PLEKHM2: variants seen among roughly 807,000 people sequenced by gnomAD.
The protein encoded by PLEKHM2 is pleckstrin homology domain-containing family M member 2.
Under a neutral mutation model 116.3 loss-of-function variants are expected in PLEKHM2, and 77 were observed. The observed-to-expected ratio is 0.66, with a 90% CI of 0.55 to 0.80. The LOEUF (loss-of-function observed/expected upper bound fraction) is 0.80, where lower values mean the gene tolerates loss of function less well. Among genes scored for constraint, PLEKHM2 ranks in the 30% least tolerant of loss-of-function variants. The pLI is 0.00. For missense variants in PLEKHM2, 1,183 were observed against 1,354.9 expected, an observed-to-expected ratio of 0.87 and a Z score of 1.99; for synonymous variants, 562 against 571.0, an observed-to-expected ratio of 0.98 and a Z score of 0.22.
chr1:15,716,393 A>G (rs1187849009), intron 2 of PLEKHM2, 50 bp downstream of exon 2: 7 of 1,136,816 alleles, frequency 6.2e-6, no homozygotes, highest in Admixed American at 2.1e-5. Flanking sequence ...CCAGGCCATG[A>G]GTAGCCTCCA....
chr1:15,714,986 C>A (rs1641415312), intron 1 of PLEKHM2, among the ~76,000 whole-genome samples: 1 of 152,344 alleles, frequency 6.6e-6, no homozygotes, highest in East Asian at 1.9e-4. Context: ...CTTGCCCTCA[C>A]CAGCCTGGTG....
In PLEKHM2 at chr1:15,684,625, G is replaced by A; in HGVS notation, c.60+7G>A. The A allele has an allele frequency of 1.6e-6, 2 of 1,284,382 alleles. No homozygotes were observed. The highest frequency in any genetic ancestry group is 1.0e-6 in the Non-Finnish European group (1 of 1,003,872). The allele number at this position is 1,284,382 out of a possible 1,614,324, so 79.6% of individuals were successfully genotyped here. A position where few individuals can be genotyped will look rare whatever the true frequency, so the allele number is the denominator to read the frequency against. On this transcript the variant is annotated splice_region_variant and intron_variant, in intron 1 of 19. Transcript: ENST00000375799. ...CTCGCTGTCGGTGAAGAAGGTGAGC[G>A]CGGCCTCCCTCCCGGCCGGGGCCCC... is the stretch of plus-strand genomic sequence containing the variant.
intron 1 of PLEKHM2, among the ~76,000 whole-genome samples, chr1:15,686,221 T>C (rs948343191): frequency 3.3e-5 from 5 of 152,146 alleles, no homozygotes; most frequent in Non-Finnish European, 7.4e-5. Flanking sequence ...AGGACACTTA[T>C]TGAGCTGGAA....
At position 15,728,666 on chromosome 1, in the gene PLEKHM2, C is replaced by T. The variant is rs1329030614; in HGVS notation, c.1922-3C>T. 1.2e-6 allele frequency: 2 copies of T among 1,608,238 alleles called. No homozygotes were observed. The highest frequency in any genetic ancestry group is 1.7e-6 in the Non-Finnish European group (2 of 1,177,448). ...TAATAGGCCTTGGGGTTTCCTCTCTCAGGGGCCACAGAGAAGCCATACCTG... is the reference window on the plus strand; with the variant it reads ...TAATAGGCCTTGGGGTTTCCTCTCTTAGGGGCCACAGAGAAGCCATACCTG... On this transcript the variant is annotated splice_polypyrimidine_tract_variant and splice_region_variant and intron_variant, in intron 11 of 19. Transcript: ENST00000375799. The surrounding 1 kb of genome is among the most constrained non-coding windows in gnomAD (Gnocchi z 5.9).
In PLEKHM2 at chr1:15,734,203, G is replaced by A. The variant is rs181429747; in HGVS notation, c.*269G>A. The A allele has an allele frequency of 1.1e-5, 5 of 456,180 alleles. No individual in the cohort carries two copies. Among genetic ancestry groups the A allele is most frequent in the Middle Eastern group, 5.5e-4 (1 of 1,818 alleles). 28.3% of individuals were successfully genotyped at this position (456,180 alleles called of 1,614,324 possible). On this transcript the variant is annotated 3_prime_UTR_variant, in exon 20 of 20. Transcript: ENST00000375799. ...AGCCCTGTGGGCTCTGCGGATGCAC[G>A]CCCTCCTCCCGGGCCTCCGCCTCAG...
intron 7 of PLEKHM2, among the ~76,000 whole-genome samples, chr1:15,724,701 T>C (rs147156069): frequency 5.8e-4 from 89 of 152,252 alleles, no homozygotes; most frequent in Non-Finnish European, 1.2e-3. Context: ...CTCTGCCCCA[T>C]GGTTCCCACC....
At chr1:15,711,041 C>T (rs1641321156) in intron 1 of PLEKHM2, among the ~76,000 whole-genome samples, 1 of 151,618 alleles carries the variant, frequency 6.6e-6, no homozygotes, top group South Asian at 2.1e-4. Context: ...TGGATCCTTA[C>T]CTCATGACAT....
At position 15,691,290 on chromosome 1, in the gene PLEKHM2, T is replaced by A. The variant is rs576841634; in HGVS notation, c.60+6672T>A. ...TCTCACTATGTTGCCCAGGTTGGTC[T>A]CGAACTCCTGAGCTCAGGTGATCCT... On this transcript the variant is annotated intron_variant, in intron 1 of 19. Transcript: ENST00000375799. Among the ~76,000 whole-genome samples, 2 of 152,304 alleles carry A rather than the reference T, an allele frequency of 1.3e-5. 1 individual carries two copies. The highest frequency in any genetic ancestry group is 4.1e-4 in the South Asian group (2 of 4,820).
At chr1:15,718,461 A>T in intron 4 of PLEKHM2, 77 bp from the exon 5 acceptor site, 1 of 848,024 alleles carries the variant, frequency 1.2e-6, no homozygotes. Flanking sequence ...ATTTCAACAC[A>T]GCTGGTATGT....
chr1:15,733,892 C>G lies in PLEKHM2; in HGVS notation c.3018C>G (p.Asp1006Glu), dbSNP rs1295427920. ...TCCACAGCGCCTGGCAGCGGAGCGA[C>G]AGTCTCTGCCGCGGCCGAGCCTCCC... Reference protein sequence around the residue: ...SLIHSAWQRSDSLCRGRASRD... With the variant: ...SLIHSAWQRSESLCRGRASRD... The change falls in exon 20 of 20, where the codon GAC (aspartate) becomes GAG (glutamate). Residue 1006 changes from aspartate (D) to glutamate (E), a missense_variant. By Grantham distance (45) the Asp-to-Glu change is conservative (BLOSUM62 2). Coordinates refer to ENST00000375799, the MANE Select transcript of PLEKHM2 (RefSeq NM_015164.4). 2.5e-6 allele frequency: 4 copies of G among 1,612,906 alleles called. No individual in the cohort carries two copies. Among genetic ancestry groups the G allele is most frequent in the African/African-American group, 2.7e-5 (2 of 75,070 alleles).
At chr1:15,696,063 C>T (rs567759088) in intron 1 of PLEKHM2, among the ~76,000 whole-genome samples, 2 of 151,640 alleles carry the variant, frequency 1.3e-5, no homozygotes, top group South Asian at 4.2e-4. Context: ...CATTCTCCAC[C>T]TTGGCTTCCC....
In PLEKHM2 at chr1:15,727,975, T is replaced by G; in HGVS notation, c.1761-104T>G. ...GTGAGCCTCCCTCCCTAACTTTGGC[T>G]CCTAGTGGGAGGCGGAGGCACTACC... On this transcript the variant is annotated intron_variant, in intron 9 of 19. Transcript: ENST00000375799. This position sits in a 1 kb window ranked among gnomAD's most constrained non-coding sequence, Gnocchi z 7.5. 1 of 1,225,284 alleles carries G rather than the reference T, an allele frequency of 8.2e-7. No homozygotes were observed. The highest frequency in any genetic ancestry group is 1.2e-6 in the Non-Finnish European group (1 of 850,838). The allele number at this position is 1,225,284 out of a possible 1,614,324, so 75.9% of individuals were successfully genotyped here.
intron 16 of PLEKHM2, among the ~76,000 whole-genome samples, 195 bp from the exon 17 acceptor site, chr1:15,731,694 G>A (rs1424829205): frequency 3.3e-5 from 5 of 152,148 alleles, no homozygotes; most frequent in African/African-American, 9.7e-5. Context: ...GAAAGGCATC[G>A]CACAGCAAGG....
intron 1 of PLEKHM2, among the ~76,000 whole-genome samples, chr1:15,707,407 A>C (rs973295134): frequency 6.6e-6 from 1 of 152,180 alleles, no homozygotes; most frequent in East Asian, 1.9e-4. Flanking sequence ...CTGGGCAACA[A>C]AGTGAGACCT....
At chr1:15,712,975 A>G (rs1641366337) in intron 1 of PLEKHM2, among the ~76,000 whole-genome samples, 1 of 152,012 alleles carries the variant, frequency 6.6e-6, no homozygotes, top group South Asian at 2.1e-4. Context: ...TAATTTTTGT[A>G]TTTTTAGTAG....
chr1:15,734,038 C>T lies in PLEKHM2; in HGVS notation c.*104C>T. The T allele has an allele frequency of 7.6e-7, 1 of 1,315,888 alleles. No homozygotes were observed. The highest frequency in any genetic ancestry group is 2.5e-4 in the Middle Eastern group (1 of 3,974). 81.5% of individuals were successfully genotyped at this position (1,315,888 alleles called of 1,614,324 possible). A position where few individuals can be genotyped will look rare whatever the true frequency, so the allele number is the denominator to read the frequency against. On this transcript the variant is annotated 3_prime_UTR_variant, in exon 20 of 20. Coordinates refer to ENST00000375799, the MANE Select transcript of PLEKHM2 (RefSeq NM_015164.4). ...ATGCTGTCGGGAGCCTACAGTCCACCCCTGCCCTGGGCGGCAGAACCACCG... is the reference window on the plus strand; with the variant it reads ...ATGCTGTCGGGAGCCTACAGTCCACTCCTGCCCTGGGCGGCAGAACCACCG...
Position 15,695,593 on chromosome 1 carries a change from C to G in PLEKHM2, c.60+10975C>G, listed in dbSNP as rs1015126532. Among the ~76,000 whole-genome samples, 3 of 152,116 alleles carry G rather than the reference C, an allele frequency of 2.0e-5. No homozygotes were observed. The South Asian group carries it at 6.2e-4, about 32-fold the overall frequency. ...GTGGCGCCATCTTAGCTCAGTGCAA[C>G]CTCTGCCTCCCAGGTTCAAATGATT... On this transcript the variant is annotated intron_variant, in intron 1 of 19. Coordinates refer to ENST00000375799, the MANE Select transcript of PLEKHM2 (RefSeq NM_015164.4).
intron 7 of PLEKHM2, among the ~76,000 whole-genome samples, chr1:15,724,765 T>C (rs10803397): frequency 0.35 from 52,988 of 152,086 alleles, 10,780 homozygotes; most frequent in East Asian, 0.66. Flanking sequence ...CACCCCTCAC[T>C]TTCTCTGCTG....
At chr1:15,704,076 T>A (rs1479736923) in intron 1 of PLEKHM2, among the ~76,000 whole-genome samples, 1 of 152,164 alleles carries the variant, frequency 6.6e-6, no homozygotes, top group Non-Finnish European at 1.5e-5. Context: ...TGACCTTGCT[T>A]ACTTTTGAAT....
Sources: gnomAD v4.1 joint callset for allele counts (sites outside exome capture counted in the v4.1 genomes callset) on GRCh38, gnomAD v4.1.1 for gene constraint, Gnocchi (gnomAD v3.1) non-coding constraint, MANE v1.5 for transcripts, NCBI Gene and HGNC (gene_info 2026-07-23, HGNC 2026-07-21) for gene names.